The following TRAPPC8 variants were observed in gnomAD, a reference collection of about 807,000 sequenced individuals.
TRAPPC8 encodes trafficking protein particle complex subunit 8.
A neutral mutation model predicts 174.3 loss-of-function variants in TRAPPC8; 54 were observed. That is an observed-to-expected ratio of 0.31 (90% CI 0.25 to 0.39). TRAPPC8 has a LOEUF of 0.39. Among genes scored for constraint, TRAPPC8 ranks in the 10% least tolerant of loss-of-function variants. The pLI is 1.00. For missense variants in TRAPPC8, 1,531 were observed against 1,699.1 expected (o/e 0.90, Z 1.74); for synonymous variants, 630 against 579.9 (o/e 1.09, Z -1.24).
intron 2 of TRAPPC8, 136 bp from the exon 3 acceptor site, chr18:31,917,803 T>C (rs960793601): frequency 1.4e-6 from 1 of 706,678 alleles, no homozygotes; most frequent in Admixed American, 2.8e-5. Flanking sequence ...TCACCTGTGC[T>C]TTCAGATGTA....
chr18:31,871,122 T>TA lies in TRAPPC8; in HGVS notation c.2063-3dup, dbSNP rs771422882. On this transcript the variant is annotated splice_region_variant and splice_polypyrimidine_tract_variant and intron_variant, in intron 14 of 28. Coordinates refer to ENST00000283351, the MANE Select transcript of TRAPPC8 (RefSeq NM_014939.5). ...CATGAGTAGCTGCTTGTTTTTCACCTAAAAAAAATTTGTTAACAACACGTT... is the reference window on the plus strand; with the variant it reads ...CATGAGTAGCTGCTTGTTTTTCACCTAAAAAAAAATTTGTTAACAACACGTT... 1.8e-5 allele frequency: 27 copies of TA among 1,512,460 alleles called. No homozygotes were observed. Among genetic ancestry groups the TA allele is most frequent in the South Asian group, 7.9e-5 (6 of 75,928 alleles). 93.7% of individuals were successfully genotyped at this position (1,512,460 alleles called of 1,614,324 possible).
chr18:31,867,129 T>C (rs2034625584), intron 17 of TRAPPC8, among the ~76,000 whole-genome samples, 154 bp from the exon 18 acceptor site: 1 of 152,216 alleles, frequency 6.6e-6, no homozygotes, highest in African/African-American at 2.4e-5. Context: ...AAAGAAAATG[T>C]CTAAATTTAA....
rs771966731 is a variant in TRAPPC8 at position 31,839,290 on chromosome 18, G to C, written c.3983+22C>G. On this transcript the variant is annotated intron_variant, in intron 27 of 28. Transcript: ENST00000283351. Reference sequence around the variant, plus strand: ...TGCCAGTGTGTTGTAGAAAATTTTGGTAACAAAAATAAAGCTCAAACCTTT... The same window carrying C: ...TGCCAGTGTGTTGTAGAAAATTTTGCTAACAAAAATAAAGCTCAAACCTTT... 4.4e-6 allele frequency: 7 copies of C among 1,583,546 alleles called. No individual in the cohort carries two copies. In the East Asian group the frequency reaches 1.6e-4, roughly 36 times the overall value.
At chr18:31,908,573 A>G (rs986912472) in intron 7 of TRAPPC8, among the ~76,000 whole-genome samples, 155 bp from the exon 8 acceptor site, 1 of 152,214 alleles carries the variant, frequency 6.6e-6, no homozygotes, top group Non-Finnish European at 1.5e-5. Context: ...AATCCTATTG[A>G]AAATGAATAA....
intron 1 of TRAPPC8, among the ~76,000 whole-genome samples, chr18:31,936,631 G>C (rs1438888519): frequency 6.6e-6 from 1 of 152,130 alleles, no homozygotes; most frequent in African/African-American, 2.4e-5. Flanking sequence ...GCCAGACGCA[G>C]TGGCTCATGC....
intron 12 of TRAPPC8, among the ~76,000 whole-genome samples, chr18:31,885,578 G>A (rs1485475500): frequency 6.6e-6 from 1 of 152,028 alleles, no homozygotes; most frequent in Non-Finnish European, 1.5e-5. Context: ...AGAAATATGG[G>A]CCGGGCACGG....
rs778327825 is a variant in TRAPPC8 at position 31,884,854 on chromosome 18, GT to G, written c.1728+5880del. On this transcript the variant is annotated intron_variant, in intron 12 of 28. Coordinates refer to ENST00000283351, the MANE Select transcript of TRAPPC8 (RefSeq NM_014939.5). ...AGACTCCATTTCTTAAAAAAATTAA[GT>G]TTTTTTTTTTTTTTTTGAGATGGAG... is the stretch of plus-strand genomic sequence containing the variant. Among the ~76,000 whole-genome samples the G allele has an allele frequency of 6.2e-3, 860 of 139,122 alleles. 7 individuals are homozygous for G. The highest frequency in any genetic ancestry group is 0.016 in the African/African-American group (611 of 37,676). The allele number at this position is 139,122 out of a possible 152,430, so 91.3% of individuals were successfully genotyped here.
chr18:31,863,051 C>A (rs74638612), intron 19 of TRAPPC8, among the ~76,000 whole-genome samples: 215 of 113,690 alleles, frequency 1.9e-3, no homozygotes, highest in South Asian at 5.1e-3. Context: ...GACTAGGTCT[C>A]AAAAAAAAAA....
intron 20 of TRAPPC8, 99 bp from the exon 21 acceptor site, chr18:31,855,906 AG>A: frequency 7.7e-7 from 1 of 1,295,656 alleles, no homozygotes; most frequent in Non-Finnish European, 1.0e-6. Flanking sequence ...GATCACTCTC[AG>A]GACCATTTAT....
intron 12 of TRAPPC8, among the ~76,000 whole-genome samples, chr18:31,876,776 G>C (rs1389613889): frequency 6.6e-6 from 1 of 151,734 alleles, no homozygotes; most frequent in East Asian, 1.9e-4. Flanking sequence ...CCATCCAACT[G>C]ATGGGGAGTC....
At chr18:31,837,444 C>T (rs1302836008) in intron 27 of TRAPPC8, among the ~76,000 whole-genome samples, 1 of 152,150 alleles carries the variant, frequency 6.6e-6, no homozygotes, top group South Asian at 2.1e-4. Context: ...CGCCTGTGAT[C>T]CCAGCACTTT....
chr18:31,878,076 T>C (rs904128562), intron 12 of TRAPPC8, among the ~76,000 whole-genome samples: 9 of 152,206 alleles, frequency 5.9e-5, no homozygotes, highest in Non-Finnish European at 1.0e-4. Flanking sequence ...AGTTCCGCCC[T>C]GAGCCCATTT....
intron 21 of TRAPPC8, among the ~76,000 whole-genome samples, chr18:31,854,965 C>CA (rs71175798): frequency 0.071 from 3,220 of 45,408 alleles, 357 homozygotes; most frequent in African/African-American, 0.21. Flanking sequence ...GACTCCATCT[C>CA]AAAAAAAAAA....
chr18:31,903,017 T>C (rs2036504504), intron 9 of TRAPPC8, among the ~76,000 whole-genome samples: 1 of 147,598 alleles, frequency 6.8e-6, no homozygotes, highest in African/African-American at 2.5e-5. Flanking sequence ...GCCACTGCAC[T>C]CCAGCCTGGG....
chr18:31,933,474 G>A (rs1044488708), intron 1 of TRAPPC8, among the ~76,000 whole-genome samples: 1 of 152,096 alleles, frequency 6.6e-6, no homozygotes, highest in Non-Finnish European at 1.5e-5. Context: ...CTACTTCACG[G>A]GATCATTTTA....
rs750619864 is a variant in TRAPPC8, at chr18:31,942,709, C to G, written c.56G>C (p.Cys19Ser). Residue 19 changes from cysteine (C) to serine (S), a missense_variant, in exon 1 of 29, where the codon TGT becomes TCT. Transcript: ENST00000283351. Reference protein sequence around the residue: ...QELIPDSFVPCVAALCSDEAE... With the variant: ...QELIPDSFVPSVAALCSDEAE... ...TTCGTCGCTGCACAGCGCAGCGACA[C>G]AGGGGACGAAGGAGTCCGGGATTAG... 1.2e-6 allele frequency: 2 copies of G among 1,607,334 alleles called. No individual in the cohort carries two copies.
chr18:31,889,862 T>A (rs550028381), intron 12 of TRAPPC8, among the ~76,000 whole-genome samples: 1 of 152,348 alleles, frequency 6.6e-6, no homozygotes, highest in South Asian at 2.1e-4. Context: ...TTTCTGAACA[T>A]CTTTACTTCT....
intron 12 of TRAPPC8, among the ~76,000 whole-genome samples, chr18:31,885,995 G>C (rs1362549514): frequency 6.6e-6 from 1 of 151,332 alleles, no homozygotes; most frequent in Non-Finnish European, 1.5e-5. Context: ...ACTTGAGATT[G>C]TTTCCAAATT....
intron 2 of TRAPPC8, among the ~76,000 whole-genome samples, chr18:31,922,428 C>T (rs1056787091): frequency 1.2e-4 from 18 of 150,314 alleles, no homozygotes; most frequent in African/African-American, 4.2e-4. Flanking sequence ...CCTGTCTCTA[C>T]AAAAAGTACA....
Sources: gnomAD v4.1 joint callset for allele counts (sites outside exome capture counted in the v4.1 genomes callset) on GRCh38, gnomAD v4.1.1 for gene constraint, MANE v1.5 for transcripts, NCBI Gene and HGNC (gene_info 2026-07-23, HGNC 2026-07-21) for gene names.